Variants in GRIK1 observed in about 807,000 individuals in gnomAD.
GRIK1 encodes glutamate receptor ionotropic, kainate 1.
A neutral mutation model predicts 105.7 loss-of-function variants in GRIK1; 69 were observed. The observed-to-expected ratio is 0.65, with a 90% CI of 0.54 to 0.80. The LOEUF is 0.80. Ranked by LOEUF, GRIK1 falls within the 30% of genes least tolerant of loss-of-function variation. GRIK1 has a pLI of 0.00. For synonymous variants in GRIK1, 438 were observed against 431.3 expected (o/e 1.02, Z -0.19); for missense variants, 1,109 against 1,167.3 (o/e 0.95, Z 0.73).
chr21:29,598,886 AGCCATT>A lies in GRIK1; in HGVS notation c.1144_1149del (p.Asn382_Gly383del). 6.2e-7 allele frequency: 1 copy of A among 1,602,338 alleles called. No individual in the cohort carries two copies. The highest frequency in any genetic ancestry group is 8.5e-7 in the Non-Finnish European group (1 of 1,171,850). The stretch of plus-strand genomic sequence containing the variant: ...ATGTCCAGATCAAAATCCTTCCTCA[AGCCATT>A]GGTTTTATTAAAGGTGATATGCCCA... On this transcript the variant is annotated inframe_deletion, in exon 8 of 18. Coordinates refer to ENST00000327783, the MANE Select transcript of GRIK1 (RefSeq NM_001330994.2).
intron 7 of GRIK1, among the ~76,000 whole-genome samples, chr21:29,627,787 T>C (rs941644344): frequency 1.3e-5 from 2 of 152,220 alleles, no homozygotes; most frequent in African/African-American, 4.8e-5. Flanking sequence ...AAGGTAATCA[T>C]TCATTTGGTT....
chr21:29,884,585 A>G (rs528571852), intron 1 of GRIK1, among the ~76,000 whole-genome samples: 22 of 152,160 alleles, frequency 1.4e-4, no homozygotes, highest in South Asian at 1.0e-3. Flanking sequence ...AAAACATGAA[A>G]GTGGGTGCCA....
chr21:29,813,339 TG>T (rs1205710665), intron 1 of GRIK1, among the ~76,000 whole-genome samples: 2 of 152,108 alleles, frequency 1.3e-5, no homozygotes, highest in African/African-American at 4.8e-5. Context: ...CCAAACTAAG[TG>T]TTGGTTCAGT....
intron 1 of GRIK1, among the ~76,000 whole-genome samples, chr21:29,816,133 AG>A (rs1328761400): frequency 1.3e-5 from 2 of 152,152 alleles, no homozygotes; most frequent in African/African-American, 4.8e-5. Flanking sequence ...ATGTGGGCAA[AG>A]GATACGAATA....
At chr21:29,696,424 T>G (rs1247167000) in intron 1 of GRIK1, among the ~76,000 whole-genome samples, 2 of 152,256 alleles carry the variant, frequency 1.3e-5, no homozygotes, top group African/African-American at 4.8e-5. Context: ...ATTTTGTGTT[T>G]TACTTTTGTC....
At chr21:29,742,571 C>T (rs2064957128) in intron 1 of GRIK1, among the ~76,000 whole-genome samples, 1 of 152,216 alleles carries the variant, frequency 6.6e-6, no homozygotes, top group African/African-American at 2.4e-5. Flanking sequence ...AACATATGGA[C>T]TAAAAGTGGT....
intron 1 of GRIK1, among the ~76,000 whole-genome samples, chr21:29,905,781 T>C (rs1217288273): frequency 6.7e-6 from 1 of 150,284 alleles, no homozygotes; most frequent in Non-Finnish European, 1.5e-5. Flanking sequence ...CGCCCGCCAC[T>C]ACGCCCGGCT....
intron 1 of GRIK1, among the ~76,000 whole-genome samples, chr21:29,730,544 C>T (rs368432602): frequency 3.3e-5 from 5 of 152,304 alleles, no homozygotes; most frequent in Non-Finnish European, 7.4e-5. Flanking sequence ...GAAATTTCAT[C>T]TGCTCACAGA....
chr21:29,789,433 C>T (rs1218275172), intron 1 of GRIK1, among the ~76,000 whole-genome samples: 1 of 152,168 alleles, frequency 6.6e-6, no homozygotes, highest in Non-Finnish European at 1.5e-5. Flanking sequence ...TCATAATAAT[C>T]CCTCCTGAAA....
At chr21:29,935,196 A>G (rs2071706532) in intron 1 of GRIK1, among the ~76,000 whole-genome samples, 1 of 152,234 alleles carries the variant, frequency 6.6e-6, no homozygotes, top group Non-Finnish European at 1.5e-5. Context: ...CTGATGTAAT[A>G]GATCAGTGGC....
chr21:29,689,626 C>CA, intron 3 of GRIK1, 102 bp downstream of exon 3: 2 of 960,218 alleles, frequency 2.1e-6, no homozygotes, highest in Non-Finnish European at 3.3e-6. Context: ...TATAAAAGAG[C>CA]ATTTTTATGC....
rs1006757616 is a variant in GRIK1, at chr21:29,630,825, G to T, written c.1098+12001C>A. 14 of 353,110 alleles carry T rather than the reference G, an allele frequency of 4.0e-5. No individual in the cohort carries two copies. The East Asian group carries it at 5.3e-4, about 13-fold the overall frequency. 21.9% of individuals were successfully genotyped at this position (353,110 alleles called of 1,614,324 possible). A position where few individuals can be genotyped will look rare whatever the true frequency, so the allele number is the denominator to read the frequency against. On this transcript the variant is annotated intron_variant, in intron 7 of 17. Coordinates refer to ENST00000327783, the MANE Select transcript of GRIK1 (RefSeq NM_001330994.2). Reference sequence around the variant, plus strand: ...TTTTGTTTTTGAGACAGGCTCTCTTGTTCTCTCTCTGTCACCTAGGCTGGA... The same window carrying T: ...TTTTGTTTTTGAGACAGGCTCTCTTTTTCTCTCTCTGTCACCTAGGCTGGA...
chr21:29,695,888 C>T (rs2063692341), intron 1 of GRIK1, among the ~76,000 whole-genome samples: 1 of 152,120 alleles, frequency 6.6e-6, no homozygotes, highest in Non-Finnish European at 1.5e-5. Flanking sequence ...TCAGTTCTCT[C>T]TCCATTCAAA....
chr21:29,712,369 C>T, intron 1 of GRIK1, among the ~76,000 whole-genome samples: 1 of 151,882 alleles, frequency 6.6e-6, no homozygotes, highest in Non-Finnish European at 1.5e-5. Context: ...GGTATTGGTA[C>T]ATCTCTTTAT....
intron 13 of GRIK1, among the ~76,000 whole-genome samples, chr21:29,579,894 A>G (rs1336397871): frequency 6.6e-6 from 1 of 151,672 alleles, no homozygotes; most frequent in African/African-American, 2.4e-5. Flanking sequence ...GAAGGCAGTC[A>G]CAGTCATATA....
intron 1 of GRIK1, among the ~76,000 whole-genome samples, chr21:29,937,018 G>T (rs893232320): frequency 1.3e-5 from 2 of 152,182 alleles, no homozygotes; most frequent in Non-Finnish European, 2.9e-5. Context: ...TTGGATGGGT[G>T]ATGGTTTGTT....
intron 1 of GRIK1, among the ~76,000 whole-genome samples, chr21:29,870,530 CAT>C (rs957714632): frequency 5.9e-5 from 9 of 151,340 alleles, no homozygotes; most frequent in African/African-American, 1.9e-4. Flanking sequence ...ATACATATAA[CAT>C]ATTTTATTAA....
At chr21:29,910,468 A>G (rs2146291351) in intron 1 of GRIK1, among the ~76,000 whole-genome samples, 1 of 152,270 alleles carries the variant, frequency 6.6e-6, no homozygotes, top group Middle Eastern at 3.4e-3. Flanking sequence ...GTGTTTCACT[A>G]ACCTGAGAGA....
At chr21:29,585,826 A>T (rs2091118656) in intron 12 of GRIK1, among the ~76,000 whole-genome samples, 1 of 152,350 alleles carries the variant, frequency 6.6e-6, no homozygotes, top group East Asian at 1.9e-4. Flanking sequence ...ATTTATTTTT[A>T]AAAATTTTAT....
Sources: gnomAD v4.1 joint callset for allele counts (sites outside exome capture counted in the v4.1 genomes callset) on GRCh38, gnomAD v4.1.1 for gene constraint, MANE v1.5 for transcripts, NCBI Gene and HGNC (gene_info 2026-07-23, HGNC 2026-07-21) for gene names.